Variants in PEBP4 observed in about 807,000 individuals in gnomAD.
PEBP4 encodes phosphatidylethanolamine-binding protein 4.
A neutral mutation model predicts 23.9 loss-of-function variants in PEBP4; 22 were observed. The ratio of observed to expected loss-of-function variants is 0.92; its 90% confidence interval spans 0.66 to 1.31. The LOEUF (loss-of-function observed/expected upper bound fraction) is 1.31, where lower values mean the gene tolerates loss of function less well. Ranked by LOEUF, PEBP4 falls within the 40% of genes most tolerant of loss-of-function variation. The pLI is 0.00. For missense variants in PEBP4, 324 were observed against 281.7 expected (o/e 1.15, Z -1.07); for synonymous variants, 112 against 99.3 (o/e 1.13, Z -0.76).
At chr8:22,893,680 CAGA>C (rs1287581644) in intron 3 of PEBP4, among the ~76,000 whole-genome samples, 1 of 151,946 alleles carries the variant, frequency 6.6e-6, no homozygotes, top group Non-Finnish European at 1.5e-5. Context: ...TGAGATTTAA[CAGA>C]AGGTTAACTA....
At chr8:22,822,443 A>G (rs1358692758) in intron 3 of PEBP4, among the ~76,000 whole-genome samples, 1 of 152,094 alleles carries the variant, frequency 6.6e-6, no homozygotes. Context: ...CAAGAAAGTA[A>G]TAAGAAAATA....
Position 22,907,103 on chromosome 8 carries a change from G to A in PEBP4, c.258+13081C>T, listed in dbSNP as rs577621394. Among the ~76,000 whole-genome samples the A allele has an allele frequency of 7.9e-5, 12 of 152,176 alleles. No homozygotes were observed. The South Asian group carries it at 2.5e-3, about 32-fold the overall frequency. On this transcript the variant is annotated intron_variant, in intron 3 of 6. Coordinates refer to ENST00000256404, the MANE Select transcript of PEBP4 (RefSeq NM_144962.3). ...AGTTATGAAGCTATGAGTGGGAGGA[G>A]GGATGCAGGCAGATACCATCCTAGT... is the stretch of plus-strand genomic sequence containing the variant.
In PEBP4 at chr8:22,817,725, T is replaced by C. The variant is rs192153678; in HGVS notation, c.269A>G (p.Tyr90Cys). 1.6e-5 allele frequency: 26 copies of C among 1,614,124 alleles called. No homozygotes were observed. The African/African-American group carries it at 2.0e-4, about 12-fold the overall frequency. ...KFPGAVDGAT[Y>C]ILVMVDPDAP... ...ATCTGGATCCACCATCACCAGGATA[T>C]AGGTTGCGCCCTGTAACACATGTAC... The change falls in exon 4 of 7, where the codon TAT becomes TGT. Residue 90 changes from tyrosine to cysteine, a missense_variant. Physicochemically the swap from Tyr to Cys is radical, Grantham distance 194. Coordinates refer to ENST00000256404, the MANE Select transcript of PEBP4 (RefSeq NM_144962.3).
At chr8:22,893,807 G>A (rs1421762265) in intron 3 of PEBP4, among the ~76,000 whole-genome samples, 2 of 152,138 alleles carry the variant, frequency 1.3e-5, no homozygotes, top group Non-Finnish European at 2.9e-5. Context: ...TCAGTGAGCT[G>A]TGGGACATCT....
chr8:22,802,642 G>T (rs1482002768), intron 4 of PEBP4, among the ~76,000 whole-genome samples: 1 of 152,216 alleles, frequency 6.6e-6, no homozygotes, highest in Non-Finnish European at 1.5e-5. Context: ...AAAAGTAAAT[G>T]AGAGTGGCTT....
chr8:22,810,599 C>T (rs1359150900), intron 4 of PEBP4, among the ~76,000 whole-genome samples: 2 of 151,776 alleles, frequency 1.3e-5, no homozygotes, highest in African/African-American at 4.8e-5. Context: ...CCACCAGCTG[C>T]CCCCTCAGAG....
At chr8:22,740,897 G>A (rs1365408644) in intron 4 of PEBP4, among the ~76,000 whole-genome samples, 1 of 152,128 alleles carries the variant, frequency 6.6e-6, no homozygotes, top group African/African-American at 2.4e-5. Context: ...GAAGTTCCTG[G>A]GGAGAAGGGA....
At position 22,805,138 on chromosome 8, in the gene PEBP4, C is replaced by T. The variant is rs563685687; in HGVS notation, c.357+12499G>A. ...CTCCTTAACAGTAAGGATGTGATTG[C>T]ATACAGGTCAGCACGGAGGACTTTT... On this transcript the variant is annotated intron_variant, in intron 4 of 6. Transcript: ENST00000256404. Among the ~76,000 whole-genome samples the T allele has an allele frequency of 2.0e-5, 3 of 152,322 alleles. No individual in the cohort carries two copies. In the South Asian group the frequency reaches 6.2e-4, roughly 32 times the overall value.
At chr8:22,769,353 G>C (rs1222064006) in intron 4 of PEBP4, among the ~76,000 whole-genome samples, 1 of 152,212 alleles carries the variant, frequency 6.6e-6, no homozygotes, top group African/African-American at 2.4e-5. Flanking sequence ...TGTTTTGAAG[G>C]CTCCTCCAGA....
At chr8:22,875,636 G>A (rs1337092804) in intron 3 of PEBP4, among the ~76,000 whole-genome samples, 1 of 152,162 alleles carries the variant, frequency 6.6e-6, no homozygotes, top group Non-Finnish European at 1.5e-5. Flanking sequence ...TTAGTCCCCT[G>A]TCGTCTGCGA....
At chr8:22,912,475 G>T (rs892191762) in intron 3 of PEBP4, among the ~76,000 whole-genome samples, 2 of 152,170 alleles carry the variant, frequency 1.3e-5, no homozygotes, top group East Asian at 3.9e-4. Context: ...GGGGGATTCC[G>T]GAGGCAAAAT....
intron 3 of PEBP4, among the ~76,000 whole-genome samples, chr8:22,879,131 C>A (rs1211095319): frequency 6.6e-6 from 1 of 152,164 alleles, no homozygotes; most frequent in African/African-American, 2.4e-5. Context: ...GGAAGGGAAG[C>A]AAATATCCCC....
chr8:22,875,728 T>G (rs1375767764), intron 3 of PEBP4, among the ~76,000 whole-genome samples: 1 of 152,014 alleles, frequency 6.6e-6, no homozygotes, highest in Non-Finnish European at 1.5e-5. Flanking sequence ...CAGCCTACCC[T>G]TCCTGCCTGT....
At chr8:22,907,637 C>T (rs1035722522) in intron 3 of PEBP4, among the ~76,000 whole-genome samples, 1 of 152,066 alleles carries the variant, frequency 6.6e-6, no homozygotes, top group East Asian at 1.9e-4. Context: ...TGGCTCACAC[C>T]AGGTCTGGGA....
At chr8:22,897,039 G>A (rs538682383) in intron 3 of PEBP4, among the ~76,000 whole-genome samples, 68 of 151,476 alleles carry the variant, frequency 4.5e-4, no homozygotes, top group Middle Eastern at 3.4e-3. Flanking sequence ...GTGTGTGTGT[G>A]TGTGTGTATG....
At chr8:22,784,919 G>A (rs896672084) in intron 4 of PEBP4, among the ~76,000 whole-genome samples, 2 of 152,200 alleles carry the variant, frequency 1.3e-5, no homozygotes, top group South Asian at 2.1e-4. Context: ...CGTCAGGAAC[G>A]CTCTGGGATC....
Position 22,933,619 on chromosome 8 carries a change from C to A in PEBP4, c.145-5899G>T, listed in dbSNP as rs578034897. Among the ~76,000 whole-genome samples the A allele has an allele frequency of 3.9e-5, 6 of 152,268 alleles. No individual in the cohort carries two copies. The South Asian group carries it at 1.2e-3, about 32-fold the overall frequency. On this transcript the variant is annotated intron_variant, in intron 1 of 1. Transcript: ENST00000522278. ...AGAAATTAAGAAAGTCCCAGATAAACAAAAGCTTAGGGAGTTGATTACCAC... is the reference window on the plus strand; with the variant it reads ...AGAAATTAAGAAAGTCCCAGATAAAAAAAAGCTTAGGGAGTTGATTACCAC...
At chr8:22,857,946 G>A (rs1807690030) in intron 3 of PEBP4, among the ~76,000 whole-genome samples, 1 of 152,216 alleles carries the variant, frequency 6.6e-6, no homozygotes, top group African/African-American at 2.4e-5. Context: ...GGTGCATGGT[G>A]TGTTGGGCGA....
At chr8:22,781,443 G>A (rs926819976) in intron 4 of PEBP4, among the ~76,000 whole-genome samples, 3 of 152,170 alleles carry the variant, frequency 2.0e-5, no homozygotes, top group African/African-American at 4.8e-5. Context: ...CTTAGTCACC[G>A]CTTTTTACTT....
Sources: allele counts gnomAD v4.1 joint callset (sites outside exome capture counted in the v4.1 genomes callset), GRCh38; gene constraint gnomAD v4.1.1; transcripts MANE v1.5; gene names NCBI Gene and HGNC (gene_info 2026-07-23, HGNC 2026-07-21).